TNIK: variants seen among roughly 807,000 people sequenced by gnomAD.
TNIK encodes TRAF2 and NCK-interacting protein kinase.
In TNIK, 49 loss-of-function variants were observed where a neutral mutation model predicts 191.3. The ratio of observed to expected loss-of-function variants is 0.26; its 90% CI spans 0.20 to 0.32. The LOEUF (loss-of-function observed/expected upper bound fraction) is 0.32, where lower values mean the gene tolerates loss of function less well. Ranked by LOEUF, TNIK falls within the 10% of genes least tolerant of loss-of-function variation. The pLI, the probability that TNIK is intolerant of heterozygous loss-of-function variation, is 1.00. For missense variants in TNIK, 1,155 were observed against 1,702.3 expected (o/e 0.68, Z 5.66); for synonymous variants, 594 against 600.9 (o/e 0.99, Z 0.17).
intron 2 of TNIK, among the ~76,000 whole-genome samples, chr3:171,254,048 C>G (rs1410832544): frequency 6.6e-6 from 1 of 152,154 alleles, no homozygotes; most frequent in Admixed American, 6.5e-5. Context: ...AATATCTGCT[C>G]TTAAATTCTT....
At chr3:171,437,046 G>A (rs1432771030) in intron 1 of TNIK, among the ~76,000 whole-genome samples, 1 of 151,968 alleles carries the variant, frequency 6.6e-6, no homozygotes, top group Admixed American at 6.6e-5. Context: ...ATAAAAGCTT[G>A]GAATCTATTA....
chr3:171,227,868 A>G (rs1743140446), intron 3 of TNIK, among the ~76,000 whole-genome samples: 1 of 152,208 alleles, frequency 6.6e-6, no homozygotes, highest in African/African-American at 2.4e-5. Context: ...TACCTGTACA[A>G]CCATTCTGTT....
chr3:171,365,161 C>CTTGTTTTTTTTTTTTTT (rs1715521933), intron 2 of TNIK, among the ~76,000 whole-genome samples: 1 of 31,912 alleles, frequency 3.1e-5, no homozygotes, highest in Non-Finnish European at 6.5e-5. Context: ...GGACTACATT[C>CTTGTTTTTTTTTTTTTT]TTTTTTTTTT....
chr3:171,321,835 A>C (rs958729454), intron 2 of TNIK, among the ~76,000 whole-genome samples: 1 of 152,222 alleles, frequency 6.6e-6, no homozygotes, highest in Non-Finnish European at 1.5e-5. Flanking sequence ...GCCCATTGTA[A>C]TTCAATTTTA....
At chr3:171,203,267 A>G (rs1347647634) in intron 4 of TNIK, among the ~76,000 whole-genome samples, 1 of 152,236 alleles carries the variant, frequency 6.6e-6, no homozygotes, top group Non-Finnish European at 1.5e-5. Flanking sequence ...GTTGTGGCCA[A>G]CATCAATGCA....
At chr3:171,243,822 T>C (rs983680487) in intron 2 of TNIK, among the ~76,000 whole-genome samples, 17 of 152,120 alleles carry the variant, frequency 1.1e-4, no homozygotes, top group African/African-American at 3.6e-4. Flanking sequence ...GCATCTTATT[T>C]GGGGGAAGAC....
chr3:171,169,621 A>C (rs1735044855), intron 9 of TNIK, among the ~76,000 whole-genome samples: 1 of 152,222 alleles, frequency 6.6e-6, no homozygotes, highest in Non-Finnish European at 1.5e-5. Context: ...AGGTTGATAA[A>C]TAAAAGAAAT....
At chr3:171,410,335 C>T (rs1722214972) in intron 1 of TNIK, among the ~76,000 whole-genome samples, 1 of 152,182 alleles carries the variant, frequency 6.6e-6, no homozygotes, top group Non-Finnish European at 1.5e-5. Flanking sequence ...ATGTCTGGCA[C>T]CTTCCTGAGA....
intron 2 of TNIK, among the ~76,000 whole-genome samples, chr3:171,261,356 C>T (rs1291127179): frequency 6.6e-6 from 1 of 152,158 alleles, no homozygotes; most frequent in Non-Finnish European, 1.5e-5. Flanking sequence ...GATATTTCTC[C>T]CCAAGCAAAA....
chr3:171,456,836 G>A (rs1046654578), intron 1 of TNIK, among the ~76,000 whole-genome samples: 4 of 152,192 alleles, frequency 2.6e-5, no homozygotes, highest in African/African-American at 9.7e-5. Flanking sequence ...ATTGATTTCT[G>A]ATTCCACCAC....
intron 2 of TNIK, among the ~76,000 whole-genome samples, chr3:171,251,172 T>C (rs890841051): frequency 3.3e-5 from 5 of 152,090 alleles, no homozygotes; most frequent in African/African-American, 1.2e-4. Context: ...AACCTGCCTG[T>C]GGTCTGGGAA....
At chr3:171,357,649 GAGACAGCC>G (rs1351885382) in intron 2 of TNIK, among the ~76,000 whole-genome samples, 1 of 151,430 alleles carries the variant, frequency 6.6e-6, no homozygotes, top group Non-Finnish European at 1.5e-5. Flanking sequence ...TTTGGAATAG[GAGACAGCC>G]AGACAGAGGA....
rs907649025 is a variant in TNIK, at chr3:171,165,207, G to A, written c.949+1888C>T. ...AGCTACTTGGGAGGCTAAGATGGGA[G>A]GATCACTTGAGCCCGGGAGATAGAG... On this transcript the variant is annotated intron_variant, in intron 10 of 32. Coordinates refer to ENST00000436636, the MANE Select transcript of TNIK (RefSeq NM_015028.4). 2.6e-5 allele frequency among the ~76,000 whole-genome samples: 4 copies of A among 152,202 alleles called. No individual in the cohort carries two copies. The East Asian group carries it at 5.8e-4, about 22-fold the overall frequency.
Position 171,068,840 on chromosome 3 carries a change from G to A in TNIK, c.3699+8C>T, listed in dbSNP as rs751719839. The A allele has an allele frequency of 6.2e-7, 1 of 1,610,720 alleles. No homozygotes were observed. Among genetic ancestry groups the A allele is most frequent in the East Asian group, 2.2e-5 (1 of 44,802 alleles). ...AGAGCCCTTGAAAGTCTACTTCTGA[G>A]TACTTACATGAGATGGTATGTAGAT... On this transcript the variant is annotated splice_region_variant and intron_variant, in intron 30 of 32. Coordinates refer to ENST00000436636, the MANE Select transcript of TNIK (RefSeq NM_015028.4).
At chr3:171,415,703 G>A (rs1249340466) in intron 1 of TNIK, among the ~76,000 whole-genome samples, 1 of 151,944 alleles carries the variant, frequency 6.6e-6, no homozygotes, top group African/African-American at 2.4e-5. Context: ...AAAATTAGCT[G>A]GGCACGATGA....
intron 2 of TNIK, among the ~76,000 whole-genome samples, chr3:171,271,551 G>T (rs777134455): frequency 2.0e-5 from 3 of 152,156 alleles, no homozygotes; most frequent in Non-Finnish European, 4.4e-5. Flanking sequence ...AAAACCAAAT[G>T]CCATTTCCTC....
chr3:171,396,304 C>T (rs925257148), intron 1 of TNIK, among the ~76,000 whole-genome samples: 2 of 152,170 alleles, frequency 1.3e-5, no homozygotes, highest in Non-Finnish European at 2.9e-5. Flanking sequence ...TTTTTATGGC[C>T]AAGCAACATG....
rs372325388 is a variant in TNIK, at chr3:171,066,583, C to T, written c.3852G>A (p.Thr1284=). The T allele has an allele frequency of 1.3e-4, 211 of 1,612,656 alleles. 3 individuals carry two copies. In the South Asian group the frequency reaches 1.7e-3, roughly 13 times the overall value. The stretch of plus-strand genomic sequence containing the variant: ...AAGGAATGGTTAACCTACCCACAGA[C>T]GTGGGCATTTCTCCCCATTGGAGCA... ...DVVLQWGEMP[T]SVAYIHSNQI... is the part of the protein sequence containing the mutation. Residue 1284 remains threonine, a synonymous_variant, in exon 31 of 33, where the codon ACG becomes ACA. Coordinates refer to ENST00000436636, the MANE Select transcript of TNIK (RefSeq NM_015028.4).
intron 2 of TNIK, among the ~76,000 whole-genome samples, chr3:171,328,625 G>C (rs920127474): frequency 6.6e-6 from 1 of 152,132 alleles, no homozygotes; most frequent in Non-Finnish European, 1.5e-5. Flanking sequence ...TTAAGATGAC[G>C]CAATAATTGG....
Sources: gnomAD v4.1 joint callset for allele counts (sites outside exome capture counted in the v4.1 genomes callset) on GRCh38, gnomAD v4.1.1 for gene constraint, MANE v1.5 for transcripts, NCBI Gene and HGNC (gene_info 2026-07-23, HGNC 2026-07-21) for gene names.